LRRC8C: variants seen among roughly 807,000 people sequenced by gnomAD.
The protein encoded by LRRC8C is volume-regulated anion channel subunit LRRC8C.
Under a neutral mutation model 55.3 loss-of-function variants are expected in LRRC8C, and 20 were observed. The ratio of observed to expected loss-of-function variants is 0.36; its 90% CI spans 0.25 to 0.53. LRRC8C has a LOEUF of 0.53. Among genes scored for constraint, LRRC8C ranks in the 20% least tolerant of loss-of-function variants. LRRC8C has a pLI of 0.92. For missense variants in LRRC8C, 659 were observed against 951.4 expected, an observed-to-expected ratio of 0.69 and a Z score of 4.04; for synonymous variants, 376 against 360.7, an observed-to-expected ratio of 1.04 and a Z score of -0.48.
intron 1 of LRRC8C, among the ~76,000 whole-genome samples, chr1:89,669,627 C>T (rs1213363770): frequency 6.6e-6 from 1 of 152,076 alleles, no homozygotes; most frequent in Non-Finnish European, 1.5e-5. Flanking sequence ...TGTTCTTTTC[C>T]CCATTCTCAA....
intron 2 of LRRC8C, among the ~76,000 whole-genome samples, chr1:89,692,400 CAAGTT>C (rs1274168813): frequency 6.6e-6 from 1 of 152,134 alleles, no homozygotes; most frequent in Non-Finnish European, 1.5e-5. Flanking sequence ...TTTTTCATGT[CAAGTT>C]AACAGTTGAT....
At chr1:89,626,855 T>A in the LRRC8C span, 3 of 152,018 alleles carry the variant, frequency 2.0e-5, no homozygotes, top group African/African-American at 7.3e-5. Flanking sequence ...ATAGGCCCGA[T>A]TGATTAAATC....
intron 1 of LRRC8C, among the ~76,000 whole-genome samples, chr1:89,668,785 G>A (rs1033324309): frequency 5.3e-5 from 8 of 152,082 alleles, no homozygotes; most frequent in East Asian, 1.9e-4. Context: ...TACCTACCTC[G>A]TGGATTTAAT....
chr1:89,705,873 T>G (rs561069065), intron 2 of LRRC8C, among the ~76,000 whole-genome samples: 1 of 151,936 alleles, frequency 6.6e-6, no homozygotes, highest in Non-Finnish European at 1.5e-5. Flanking sequence ...ATGCACAAAA[T>G]CTATGTGAGA....
intron 1 of LRRC8C, among the ~76,000 whole-genome samples, chr1:89,643,695 C>T (rs1358952214): frequency 2.0e-5 from 3 of 152,128 alleles, no homozygotes; most frequent in Non-Finnish European, 2.9e-5. Context: ...CCTGGGTATT[C>T]ACTAGTTTAT....
In LRRC8C at chr1:89,686,505, C is replaced by G. The variant is rs770160931; in HGVS notation, c.32C>G (p.Ser11Cys). ...CCCGTGACAGAATTCCGGCAGTTCT[C>G]TGAGCAGCAGCCTGCCTTCCGAGTG... MIPVTEFRQFSEQQPAFRVLK... is the reference protein window; with the variant it reads MIPVTEFRQFCEQQPAFRVLK... Residue 11 changes from serine (S) to cysteine (C), a missense_variant, in exon 2 of 3, where the codon TCT (serine) becomes TGT (cysteine). Around this residue, in one of 5 missense-constraint regions of LRRC8C, gnomAD observed 16 missense variants for 16.6 expected, o/e 0.96. Transcript: ENST00000370454. 1.2e-5 allele frequency: 19 copies of G among 1,614,098 alleles called. No homozygotes were observed. Among genetic ancestry groups the G allele is most frequent in the Non-Finnish European group, 1.6e-5 (19 of 1,180,034 alleles).
At chr1:89,703,313 A>G (rs769187780) in intron 2 of LRRC8C, among the ~76,000 whole-genome samples, 3 of 152,228 alleles carry the variant, frequency 2.0e-5, no homozygotes, top group Non-Finnish European at 4.4e-5. Flanking sequence ...GGAAATTACT[A>G]TCAAAACAGA....
chr1:89,689,659 G>A (rs1002121759), intron 2 of LRRC8C, among the ~76,000 whole-genome samples: 6 of 152,046 alleles, frequency 3.9e-5, no homozygotes, highest in Non-Finnish European at 8.8e-5. Context: ...AAGAGAAATC[G>A]GCCGGGCATG....
intron 1 of LRRC8C, among the ~76,000 whole-genome samples, chr1:89,649,629 C>T (rs1656703801): frequency 6.6e-6 from 1 of 152,158 alleles, no homozygotes; most frequent in African/African-American, 2.4e-5. Flanking sequence ...GCTAATTTCT[C>T]TCTGGAAGGA....
chr1:89,616,060 C>A, the LRRC8C span, among the ~76,000 whole-genome samples: 1 of 152,128 alleles, frequency 6.6e-6, no homozygotes, highest in Non-Finnish European at 1.5e-5. Flanking sequence ...AAGCTGCCGG[C>A]CCTGCTGGTG....
chr1:89,651,760 A>G (rs1656791268), intron 1 of LRRC8C, among the ~76,000 whole-genome samples: 1 of 152,116 alleles, frequency 6.6e-6, no homozygotes, highest in Non-Finnish European at 1.5e-5. Context: ...TTAGTAGGCT[A>G]ATTCAGAGAT....
intron 1 of LRRC8C, among the ~76,000 whole-genome samples, chr1:89,642,365 T>C (rs1166542299): frequency 6.6e-6 from 1 of 152,218 alleles, no homozygotes; most frequent in African/African-American, 2.4e-5. Flanking sequence ...AGGATTTTCA[T>C]GTCAAACTAA....
intron 2 of LRRC8C, among the ~76,000 whole-genome samples, chr1:89,710,988 C>A (rs947525541): frequency 6.6e-6 from 1 of 152,052 alleles, no homozygotes; most frequent in Non-Finnish European, 1.5e-5. Flanking sequence ...TGATGTCATC[C>A]GATTAAGATG....
At chr1:89,645,477 G>T (rs747333537) in intron 1 of LRRC8C, among the ~76,000 whole-genome samples, 1 of 152,076 alleles carries the variant, frequency 6.6e-6, no homozygotes, top group Admixed American at 6.5e-5. Context: ...CATACACTTC[G>T]CAATTATGGT....
chr1:89,715,084 C>A lies in LRRC8C; in HGVS notation c.*102C>A. On this transcript the variant is annotated 3_prime_UTR_variant, in exon 3 of 3. Transcript: ENST00000370454. ...TTCCTATTTTTTTTTCCTTTTCACACAAAATGTACACAAAGATCGCGTAAG... is the reference window on the plus strand; with the variant it reads ...TTCCTATTTTTTTTTCCTTTTCACAAAAAATGTACACAAAGATCGCGTAAG... 4.6e-6 allele frequency: 3 copies of A among 647,884 alleles called. No homozygotes were observed. The highest frequency in any genetic ancestry group is 1.9e-5 in the African/African-American group (1 of 53,484). The allele number at this position is 647,884 out of a possible 1,614,324, so 40.1% of individuals were successfully genotyped here.
intron 2 of LRRC8C, among the ~76,000 whole-genome samples, chr1:89,694,734 T>C (rs1223268673): frequency 1.3e-5 from 2 of 151,514 alleles, no homozygotes; most frequent in African/African-American, 4.9e-5. Context: ...ATTACATCCA[T>C]GCACCACCAC....
At chr1:89,705,851 CAT>C (rs1158506707) in intron 2 of LRRC8C, among the ~76,000 whole-genome samples, 2 of 151,982 alleles carry the variant, frequency 1.3e-5, no homozygotes, top group African/African-American at 4.8e-5. Context: ...CATAGACAGA[CAT>C]AACTTAATAA....
chr1:89,622,058 CTGTT>C, the LRRC8C span, among the ~76,000 whole-genome samples: 2 of 152,214 alleles, frequency 1.3e-5, no homozygotes, highest in Admixed American at 6.5e-5. Flanking sequence ...ATAAGCAAGA[CTGTT>C]TATTTTTGTT....
Position 89,712,919 on chromosome 1 carries a change from G to A in LRRC8C, c.349G>A (p.Glu117Lys), listed in dbSNP as rs769429538. 1 of 1,614,192 alleles carries A rather than the reference G, an allele frequency of 6.2e-7. No individual in the cohort carries two copies. Residue 117 changes from glutamate (E) to lysine (K), a missense_variant, in exon 3 of 3, where the codon GAG (glutamate) becomes AAG (lysine). Transcript: ENST00000370454. ...QYSFINQMCY[E>K]RALHWYAKYF... The stretch of plus-strand genomic sequence containing the variant: ...CAGCTTTATAAATCAGATGTGTTAT[G>A]AGCGAGCCCTCCACTGGTATGCCAA...
Sources: gnomAD v4.1 joint callset for allele counts (sites outside exome capture counted in the v4.1 genomes callset) on GRCh38, gnomAD v4.1.1 for gene constraint, gnomAD v4.1.1 regional missense constraint, MANE v1.5 for transcripts, NCBI Gene and HGNC (gene_info 2026-07-23, HGNC 2026-07-21) for gene names.